Variants in NBEA observed in about 807,000 individuals in gnomAD.
The protein encoded by NBEA is neurobeachin, also known as lysosomal-trafficking regulator 2.
Under a neutral mutation model 343.4 loss-of-function variants are expected in NBEA, and 44 were observed. That is an observed-to-expected ratio of 0.13 (90% CI 0.10 to 0.16). The LOEUF (loss-of-function observed/expected upper bound fraction) is 0.16, where lower values mean the gene tolerates loss of function less well. NBEA is among the 10% of genes least tolerant of loss of function. The probability of loss-of-function intolerance (pLI) is 1.00; values close to 1 mark genes in which losing one functional copy is unlikely to be tolerated. For missense variants in NBEA, 2,555 were observed against 3,631.3 expected (o/e 0.70, Z 7.62); for synonymous variants, 1,175 against 1,238.7 (o/e 0.95, Z 1.08).
At chr13:35,619,815 T>G (rs183051255) in intron 48 of NBEA, among the ~76,000 whole-genome samples, 16 of 152,284 alleles carry the variant, frequency 1.1e-4, no homozygotes, top group Non-Finnish European at 8.8e-5. Flanking sequence ...TCCTCCTTAT[T>G]TCTCAAATTG....
In NBEA at chr13:35,479,711, G is replaced by A. The variant is rs539394665; in HGVS notation, c.6585+7175G>A. On this transcript the variant is annotated intron_variant, in intron 41 of 58. Transcript: ENST00000379939. ...TTAATATACATTTATGTATTAATGTGAAAAGTTTTTTTAAAAAACTCCAGT... is the reference window on the plus strand; with the variant it reads ...TTAATATACATTTATGTATTAATGTAAAAAGTTTTTTTAAAAAACTCCAGT... 1.1e-4 allele frequency among the ~76,000 whole-genome samples: 17 copies of A among 152,180 alleles called. No homozygotes were observed. In the South Asian group the frequency reaches 3.5e-3, roughly 32 times the overall value.
At chr13:35,012,125 A>T (rs1050582856) in intron 1 of NBEA, among the ~76,000 whole-genome samples, 1 of 152,196 alleles carries the variant, frequency 6.6e-6, no homozygotes, top group Non-Finnish European at 1.5e-5. Context: ...CTATAATAGA[A>T]TAGTACAGAC....
intron 38 of NBEA, among the ~76,000 whole-genome samples, chr13:35,415,729 T>C (rs1566098475): frequency 6.6e-6 from 1 of 152,144 alleles, no homozygotes; most frequent in Non-Finnish European, 1.5e-5. Context: ...TCTTTTTTGG[T>C]TCCATATGAA....
chr13:34,997,822 G>A (rs1446969481), intron 1 of NBEA, among the ~76,000 whole-genome samples: 6 of 152,150 alleles, frequency 3.9e-5, no homozygotes, highest in Non-Finnish European at 8.8e-5. Context: ...TTGTACTTAT[G>A]AAGAACTAAG....
At chr13:35,220,935 T>G (rs2074329160) in intron 33 of NBEA, among the ~76,000 whole-genome samples, 1 of 152,186 alleles carries the variant, frequency 6.6e-6, no homozygotes, top group Non-Finnish European at 1.5e-5. Context: ...ATTTTGAGTA[T>G]TTTCTTTTAA....
At chr13:35,570,190 A>T (rs1052786327) in intron 45 of NBEA, among the ~76,000 whole-genome samples, 2 of 151,946 alleles carry the variant, frequency 1.3e-5, no homozygotes, top group Admixed American at 1.3e-4. Flanking sequence ...CCCACCACCA[A>T]ACCTGGCTAA....
intron 34 of NBEA, among the ~76,000 whole-genome samples, chr13:35,237,046 C>T (rs2075272769): frequency 6.6e-6 from 1 of 151,784 alleles, no homozygotes; most frequent in African/African-American, 2.4e-5. Context: ...TTGCTTGAGG[C>T]CAGGAGTTTA....
At chr13:35,524,100 A>G (rs2077851929) in intron 41 of NBEA, among the ~76,000 whole-genome samples, 1 of 152,170 alleles carries the variant, frequency 6.6e-6, no homozygotes, top group South Asian at 2.1e-4. Flanking sequence ...AATTGGTAGG[A>G]TATCTTTGGT....
rs1341142320 is a variant in NBEA, at chr13:34,942,903, GCGGCGGGGGCAGCGGTGGTGGCGGCAC to G, written c.87_113del (p.Gly31_Gly39del). 6.8e-7 allele frequency: 1 copy of G among 1,478,060 alleles called. No individual in the cohort carries two copies. Among genetic ancestry groups the G allele is most frequent in the South Asian group, 1.3e-5 (1 of 75,966 alleles). 91.6% of individuals were successfully genotyped at this position (1,478,060 alleles called of 1,614,324 possible). ...ATTGCCGTCGGGGCCGCTGGCGGAG[GCGGCGGGGGCAGCGGTGGTGGCGGCAC>G]CGGGGGCAGCGGGATGGGGGAGCTA... On this transcript the variant is annotated inframe_deletion, in exon 1 of 59. Coordinates refer to ENST00000379939, the MANE Select transcript of NBEA (RefSeq NM_001385012.1).
At chr13:35,606,291 A>G (rs1720920303) in intron 47 of NBEA, 135 bp from the exon 48 acceptor site, 1 of 423,882 alleles carries the variant, frequency 2.4e-6, no homozygotes, top group Non-Finnish European at 3.9e-6. Flanking sequence ...GAAGAATAGA[A>G]TAGAATTAAT....
chr13:35,483,748 C>T (rs1489960535), intron 41 of NBEA, among the ~76,000 whole-genome samples: 1 of 151,922 alleles, frequency 6.6e-6, no homozygotes, highest in Non-Finnish European at 1.5e-5. Context: ...GTTATGCATG[C>T]TTACAGGCCT....
At chr13:35,397,954 T>C (rs1594478823) in intron 38 of NBEA, among the ~76,000 whole-genome samples, 2 of 152,140 alleles carry the variant, frequency 1.3e-5, no homozygotes, top group East Asian at 3.8e-4. Context: ...GACTCTTCCC[T>C]TCACAAAAGA....
At chr13:35,260,247 A>G (rs1434063219) in intron 34 of NBEA, among the ~76,000 whole-genome samples, 1 of 152,222 alleles carries the variant, frequency 6.6e-6, no homozygotes, top group Non-Finnish European at 1.5e-5. Flanking sequence ...TGACAGGAAC[A>G]GGGAAAAAGA....
chr13:34,975,819 A>G (rs1275795728), intron 1 of NBEA, among the ~76,000 whole-genome samples: 3 of 152,220 alleles, frequency 2.0e-5, no homozygotes, highest in Non-Finnish European at 2.9e-5. Flanking sequence ...AAGCATATGG[A>G]AAAATGCTCA....
chr13:35,413,351 G>A (rs990429929), intron 38 of NBEA, among the ~76,000 whole-genome samples: 3 of 151,986 alleles, frequency 2.0e-5, no homozygotes, highest in Admixed American at 6.6e-5. Flanking sequence ...TGTTTCTTAT[G>A]TATTTTTTGT....
chr13:35,368,811 G>A (rs2041267693), intron 38 of NBEA, among the ~76,000 whole-genome samples: 1 of 151,480 alleles, frequency 6.6e-6, no homozygotes, highest in Non-Finnish European at 1.5e-5. Context: ...TACCAAATGA[G>A]GCAATTTGTT....
intron 38 of NBEA, among the ~76,000 whole-genome samples, chr13:35,409,735 A>G (rs2043476492): frequency 6.6e-6 from 1 of 152,154 alleles, no homozygotes; most frequent in Non-Finnish European, 1.5e-5. Context: ...AATACAGGGG[A>G]AAAGGAAGGC....
chr13:34,962,884 C>G (rs1158737530), intron 1 of NBEA, among the ~76,000 whole-genome samples: 1 of 151,984 alleles, frequency 6.6e-6, no homozygotes, highest in African/African-American at 2.4e-5. Flanking sequence ...TGTATATTAA[C>G]TGTCAGGGGC....
chr13:35,417,171 T>A (rs1460920173), intron 38 of NBEA, among the ~76,000 whole-genome samples: 1 of 152,166 alleles, frequency 6.6e-6, no homozygotes, highest in East Asian at 1.9e-4. Flanking sequence ...ATTTTGTTGA[T>A]CTTTTCAAAA....
Sources: allele counts gnomAD v4.1 joint callset (sites outside exome capture counted in the v4.1 genomes callset), GRCh38; gene constraint gnomAD v4.1.1; transcripts MANE v1.5; gene names NCBI Gene and HGNC (gene_info 2026-07-23, HGNC 2026-07-21).